TRHDE: variants seen among roughly 807,000 people sequenced by gnomAD.
The protein encoded by TRHDE is thyrotropin-releasing hormone-degrading ectoenzyme.
Under a neutral mutation model 125.7 loss-of-function variants are expected in TRHDE, and 72 were observed. That is an observed-to-expected ratio of 0.57 (90% confidence interval 0.47 to 0.70). The LOEUF (loss-of-function observed/expected upper bound fraction) is 0.70. Ranked by LOEUF, TRHDE falls within the 30% of genes least tolerant of loss-of-function variation. The pLI is 0.00. For missense variants in TRHDE, 1,110 were observed against 1,327.1 expected, an observed-to-expected ratio of 0.84 and a Z score of 2.54; for synonymous variants, 509 against 509.1, an observed-to-expected ratio of 1.00 and a Z score of 0.00.
intron 5 of TRHDE, among the ~76,000 whole-genome samples, chr12:72,489,307 G>T (rs1877555248): frequency 6.7e-6 from 1 of 149,660 alleles, no homozygotes; most frequent in East Asian, 1.9e-4. Context: ...AAAAATTAAA[G>T]TGAAGAAGTT....
rs1160551999 is a variant in TRHDE, at chr12:72,575,723, TA to T, written c.2321+182del. Among the ~76,000 whole-genome samples the T allele has an allele frequency of 2.0e-5, 3 of 152,150 alleles. No homozygotes were observed. The South Asian group carries it at 6.2e-4, about 31-fold the overall frequency. Reference sequence around the variant, plus strand: ...TCCCAAACTTTCTATCAATAATAGCTATAGGGTATTTCTAAGTCAGGATAAG... The same window carrying T: ...TCCCAAACTTTCTATCAATAATAGCTTAGGGTATTTCTAAGTCAGGATAAG... On this transcript the variant is annotated intron_variant, in intron 12 of 18. Transcript: ENST00000261180.
At chr12:72,172,151 A>T (rs979436875) in intron 2 of TRHDE, among the ~76,000 whole-genome samples, 1 of 152,310 alleles carries the variant, frequency 6.6e-6, no homozygotes, top group Admixed American at 6.5e-5. Flanking sequence ...TCTCTTATAC[A>T]TAGAAAGCTA....
intron 2 of TRHDE, chr12:72,167,769 A>G (rs1377166581): frequency 6.6e-6 from 1 of 152,212 alleles, no homozygotes. Context: ...CTGAAAATGT[A>G]ATGGGAGACA....
chr12:72,521,720 A>C, intron 6 of TRHDE, among the ~76,000 whole-genome samples: 1 of 152,242 alleles, frequency 6.6e-6, no homozygotes, highest in Middle Eastern at 3.2e-3. Flanking sequence ...ACTGTTTTCC[A>C]GCTCCACGAT....
chr12:72,654,512 G>T (rs1411476386), intron 17 of TRHDE, among the ~76,000 whole-genome samples: 2 of 152,082 alleles, frequency 1.3e-5, no homozygotes, highest in Non-Finnish European at 2.9e-5. Flanking sequence ...TCCCAAATCT[G>T]TATCTCTAAT....
At chr12:72,436,906 C>T (rs1227372981) in intron 3 of TRHDE, among the ~76,000 whole-genome samples, 1 of 151,824 alleles carries the variant, frequency 6.6e-6, no homozygotes, top group African/African-American at 2.4e-5. Context: ...CACGCAACTA[C>T]CCATCATCTA....
At chr12:72,639,503 A>C (rs1045594315) in intron 15 of TRHDE, among the ~76,000 whole-genome samples, 4 of 150,782 alleles carry the variant, frequency 2.7e-5, no homozygotes, top group South Asian at 2.1e-4. Context: ...CTCTCAGCTC[A>C]TCAAAGTCAT....
At chr12:72,657,377 G>A (rs936692368) in intron 18 of TRHDE, among the ~76,000 whole-genome samples, 2 of 152,116 alleles carry the variant, frequency 1.3e-5, no homozygotes, top group Admixed American at 6.6e-5. Context: ...AATGGACAAA[G>A]GTTGGTGTTG....
intron 17 of TRHDE, 98 bp downstream of exon 17, chr12:72,653,254 G>A: frequency 2.3e-6 from 2 of 887,814 alleles, no homozygotes; most frequent in East Asian, 6.1e-5. Context: ...CATGCAATAG[G>A]TTTAGATATT....
At chr12:72,370,094 A>G (rs1019518659) in intron 2 of TRHDE, among the ~76,000 whole-genome samples, 1 of 152,104 alleles carries the variant, frequency 6.6e-6, no homozygotes, top group Admixed American at 6.6e-5. Context: ...CTTTTCTCCC[A>G]CTTGTTCAAC....
chr12:72,638,089 A>T (rs2136095201), intron 15 of TRHDE, among the ~76,000 whole-genome samples: 1 of 147,390 alleles, frequency 6.8e-6, no homozygotes, highest in South Asian at 2.3e-4. Flanking sequence ...GATCTGTCTA[A>T]TGTTGACAGT....
At chr12:72,482,892 G>A (rs141758305) in intron 5 of TRHDE, among the ~76,000 whole-genome samples, 364 of 151,994 alleles carry the variant, frequency 2.4e-3, no homozygotes, top group Non-Finnish European at 4.2e-3. Context: ...TGTTGCCCTA[G>A]TTTTAAAACA....
At chr12:72,445,058 T>A (rs1421298703) in intron 3 of TRHDE, among the ~76,000 whole-genome samples, 1 of 151,896 alleles carries the variant, frequency 6.6e-6, no homozygotes, top group Non-Finnish European at 1.5e-5. Flanking sequence ...CCAGATAGCT[T>A]CTAAGACGTC....
At chr12:72,373,164 A>C (rs1871693973) in intron 2 of TRHDE, among the ~76,000 whole-genome samples, 1 of 152,054 alleles carries the variant, frequency 6.6e-6, no homozygotes, top group African/African-American at 2.4e-5. Flanking sequence ...TGTGAATGGG[A>C]GTTCACTCAT....
intron 12 of TRHDE, among the ~76,000 whole-genome samples, chr12:72,581,208 T>C (rs1165408715): frequency 6.6e-6 from 1 of 152,232 alleles, no homozygotes; most frequent in South Asian, 2.1e-4. Flanking sequence ...TTGTTGAAAT[T>C]ATTTATCAGT....
At chr12:72,371,252 A>C (rs959597101) in intron 2 of TRHDE, among the ~76,000 whole-genome samples, 1 of 150,392 alleles carries the variant, frequency 6.6e-6, no homozygotes, top group African/African-American at 2.5e-5. Context: ...TACATACTTC[A>C]TACTTCCTTA....
intron 2 of TRHDE, among the ~76,000 whole-genome samples, chr12:72,319,197 A>G (rs1262836122): frequency 1.3e-5 from 2 of 152,174 alleles, no homozygotes; most frequent in African/African-American, 2.4e-5. Context: ...CTCAGGAGAA[A>G]GGTCAAGTGC....
intron 15 of TRHDE, among the ~76,000 whole-genome samples, chr12:72,638,819 G>A (rs1172230081): frequency 6.6e-6 from 1 of 152,124 alleles, no homozygotes; most frequent in Admixed American, 6.5e-5. Context: ...CTTTAAGAAT[G>A]TTGAATATTG....
intron 1 of TRHDE, among the ~76,000 whole-genome samples, chr12:72,091,232 G>A (rs1430942087): frequency 6.6e-6 from 1 of 151,840 alleles, no homozygotes; most frequent in Non-Finnish European, 1.5e-5. Flanking sequence ...ACCCTTTCTT[G>A]CATTATGGAC....
Sources: allele counts gnomAD v4.1 joint callset (sites outside exome capture counted in the v4.1 genomes callset), GRCh38; gene constraint gnomAD v4.1.1; transcripts MANE v1.5; gene names NCBI Gene and HGNC (gene_info 2026-07-23, HGNC 2026-07-21).